The following IL1RAPL1 variants were observed in gnomAD, a reference collection of about 807,000 sequenced individuals.
IL1RAPL1 encodes interleukin 1 receptor accessory protein like 1, also known as interleukin-1 receptor accessory protein-like 1.
Under a neutral mutation model 48.4 loss-of-function variants are expected in IL1RAPL1, and 3 were observed. The observed-to-expected ratio is 0.06, with a 90% CI of 0.03 to 0.16. The LOEUF is 0.16. Ranked by LOEUF, IL1RAPL1 falls within the 10% of genes least tolerant of loss-of-function variation. The pLI is 1.00. For missense variants in IL1RAPL1, 349 were observed against 530.6 expected, an observed-to-expected ratio of 0.66 and a Z score of 3.36; for synonymous variants, 185 against 187.7, an observed-to-expected ratio of 0.99 and a Z score of 0.12.
At chrX:29,365,643 C>A (rs1336410762) in intron 3 of IL1RAPL1, among the ~76,000 whole-genome samples, 1 of 111,150 alleles carries the variant, frequency 9.0e-6, no homozygotes, top group African/African-American at 3.3e-5. Flanking sequence ...CAAGATCGTG[C>A]CACTGCTGTC....
rs201299964 is a variant in IL1RAPL1 at position 29,080,994 on chromosome X, T to TTCTCTCTCTC, written c.83-201926_83-201917dup. Among the ~76,000 whole-genome samples the TTCTCTCTCTC allele has an allele frequency of 3.3e-3, 88 of 26,421 alleles. 3 individuals carry two copies. Among genetic ancestry groups the TTCTCTCTCTC allele is most frequent in the Admixed American group, 0.015 (27 of 1,815 alleles). The allele number at this position is 26,421 out of a possible 115,157, so 22.9% of individuals were successfully genotyped here. On this transcript the variant is annotated intron_variant, in intron 2 of 10. Coordinates refer to ENST00000378993, the MANE Select transcript of IL1RAPL1 (RefSeq NM_014271.4). Reference sequence around the variant, plus strand: ...TTTCTTTCTTTCTTTCTTTCTTTCTTTCTCTCTCTCTCTCTCTCTCTCTCT... The same window carrying TTCTCTCTCTC: ...TTTCTTTCTTTCTTTCTTTCTTTCTTTCTCTCTCTCTCTCTCTCTCTCTCTCTCTCTCTCT...
chrX:28,706,747 A>T (rs1472702100), intron 1 of IL1RAPL1, among the ~76,000 whole-genome samples: 1 of 111,702 alleles, frequency 9.0e-6, no homozygotes, highest in African/African-American at 3.3e-5. Flanking sequence ...TATCCCCATC[A>T]GTAAGCAACA....
intron 5 of IL1RAPL1, among the ~76,000 whole-genome samples, chrX:29,525,304 A>G (rs1039777826): frequency 8.9e-6 from 1 of 112,509 alleles, no homozygotes; most frequent in African/African-American, 3.2e-5. Context: ...GTTCAAAGCA[A>G]TCTTTAAAAG....
chrX:28,912,962 T>C (rs775208910), intron 2 of IL1RAPL1, among the ~76,000 whole-genome samples: 10 of 111,794 alleles, frequency 8.9e-5, no homozygotes, highest in African/African-American at 3.2e-4. Context: ...ATATTAATAA[T>C]AAAATTCGTT....
At chrX:29,604,389 G>C (rs753061224) in intron 5 of IL1RAPL1, among the ~76,000 whole-genome samples, 1 of 112,103 alleles carries the variant, frequency 8.9e-6, no homozygotes, top group Non-Finnish European at 1.9e-5. Context: ...TTTGACTTGT[G>C]TGCCTCATTT....
chrX:29,930,734 C>G (rs1303103418), intron 8 of IL1RAPL1, among the ~76,000 whole-genome samples: 4 of 111,668 alleles, frequency 3.6e-5, no homozygotes, highest in Non-Finnish European at 7.6e-5. Flanking sequence ...GCTATAAAAT[C>G]AAGTTATTTA....
intron 2 of IL1RAPL1, among the ~76,000 whole-genome samples, chrX:28,885,190 A>T (rs1453550916): frequency 9.0e-6 from 1 of 111,654 alleles, no homozygotes; most frequent in Non-Finnish European, 1.9e-5. Context: ...TTACATATCT[A>T]TGGACAATAA....
chrX:29,948,270 A>G lies in IL1RAPL1; in HGVS notation c.1202-6252A>G, dbSNP rs779773151. Among the ~76,000 whole-genome samples, 8 of 111,686 alleles carry G rather than the reference A, an allele frequency of 7.2e-5. No individual in the cohort carries two copies. In the South Asian group the frequency reaches 3.0e-3, roughly 42 times the overall value. ...TAGTATCAAATTTAAGTGTTTGAGA[A>G]CTTATAGATTCAAATAATCCAGAAA... is the stretch of plus-strand genomic sequence containing the variant. On this transcript the variant is annotated intron_variant, in intron 9 of 10. Transcript: ENST00000378993.
At chrX:28,818,474 T>C (rs1236583967) in intron 2 of IL1RAPL1, among the ~76,000 whole-genome samples, 2 of 110,864 alleles carry the variant, frequency 1.8e-5, no homozygotes, top group African/African-American at 3.3e-5. Context: ...AAAATAGTTT[T>C]ATCAAATGAG....
At chrX:29,039,328 T>C (rs1194645413) in intron 2 of IL1RAPL1, among the ~76,000 whole-genome samples, 1 of 111,731 alleles carries the variant, frequency 9.0e-6, no homozygotes, top group Non-Finnish European at 1.9e-5. Flanking sequence ...GAGTTCATAA[T>C]AAATGCTTCC....
chrX:28,958,773 A>G (rs1924685750), intron 2 of IL1RAPL1, among the ~76,000 whole-genome samples: 1 of 111,531 alleles, frequency 9.0e-6, no homozygotes, highest in South Asian at 3.8e-4. Context: ...TAGTTTCTCC[A>G]CTTCCGTAGA....
intron 5 of IL1RAPL1, among the ~76,000 whole-genome samples, chrX:29,504,990 G>A (rs370319383): frequency 2.1e-4 from 23 of 110,516 alleles, no homozygotes; most frequent in Non-Finnish European, 1.7e-4. Flanking sequence ...TTTTCTTTTC[G>A]GTGAATGTAT....
At chrX:29,615,620 G>C (rs990380632) in intron 5 of IL1RAPL1, among the ~76,000 whole-genome samples, 2 of 110,672 alleles carry the variant, frequency 1.8e-5, no homozygotes. Flanking sequence ...TTTGTCTCAC[G>C]GAGGTAACTC....
At chrX:28,749,630 T>C (rs1936015616) in intron 1 of IL1RAPL1, among the ~76,000 whole-genome samples, 1 of 112,001 alleles carries the variant, frequency 8.9e-6, no homozygotes, top group African/African-American at 3.2e-5. Context: ...TGCTGTTAAG[T>C]TCTTATATAT....
chrX:29,395,177 C>A (rs904912289), intron 3 of IL1RAPL1, among the ~76,000 whole-genome samples: 1 of 111,644 alleles, frequency 9.0e-6, no homozygotes, highest in African/African-American at 3.3e-5. Context: ...TGAGTCCCAC[C>A]TGAGACTCAA....
chrX:29,387,037 G>A (rs765839914), intron 3 of IL1RAPL1, among the ~76,000 whole-genome samples: 5 of 111,997 alleles, frequency 4.5e-5, no homozygotes, highest in African/African-American at 6.5e-5. Context: ...CATATACATA[G>A]AATGAAATTA....
chrX:29,844,804 A>C (rs1177589510), intron 6 of IL1RAPL1, among the ~76,000 whole-genome samples: 1 of 112,234 alleles, frequency 8.9e-6, no homozygotes, highest in Non-Finnish European at 1.9e-5. Context: ...TACAAGGAAC[A>C]ACTGTATTGT....
intron 3 of IL1RAPL1, among the ~76,000 whole-genome samples, chrX:29,309,187 T>G (rs756567409): frequency 4.6e-4 from 51 of 112,045 alleles, no homozygotes; most frequent in Non-Finnish European, 8.3e-4. Flanking sequence ...TATTGTAATA[T>G]CAGTTAAGAC....
chrX:29,683,153 C>T (rs188586965), intron 6 of IL1RAPL1, among the ~76,000 whole-genome samples: 2 of 112,075 alleles, frequency 1.8e-5, no homozygotes, highest in East Asian at 2.8e-4. Context: ...GAAATTGGTT[C>T]GCTAGTTCCA....
Sources: gnomAD v4.1 joint callset for allele counts (sites outside exome capture counted in the v4.1 genomes callset) on GRCh38, gnomAD v4.1.1 for gene constraint, MANE v1.5 for transcripts, NCBI Gene and HGNC (gene_info 2026-07-23, HGNC 2026-07-21) for gene names.